Variants in SORCS1 observed in about 807,000 individuals in gnomAD.
The protein encoded by SORCS1 is sortilin related VPS10 domain containing receptor 1, also known as VPS10 domain-containing receptor SorCS1.
Under a neutral mutation model 146.1 loss-of-function variants are expected in SORCS1, and 60 were observed. The observed-to-expected ratio is 0.41, with a 90% CI of 0.33 to 0.51. SORCS1 has a LOEUF of 0.51. SORCS1 is among the 20% of genes least tolerant of loss of function. The pLI, the probability that SORCS1 is intolerant of heterozygous loss-of-function variation, is 0.21. For synonymous variants in SORCS1, 637 were observed against 584.0 expected, an observed-to-expected ratio of 1.09 and a Z score of -1.31; for missense variants, 1,352 against 1,487.6, an observed-to-expected ratio of 0.91 and a Z score of 1.50.
chr10:106,687,066 T>A (rs2135621135), intron 10 of SORCS1, among the ~76,000 whole-genome samples: 1 of 152,340 alleles, frequency 6.6e-6, no homozygotes, highest in African/African-American at 2.4e-5. Context: ...ACTTCTGAAG[T>A]GTTTTACAGA....
intron 2 of SORCS1, among the ~76,000 whole-genome samples, chr10:106,880,483 T>C (rs2137710268): frequency 1.3e-5 from 2 of 152,166 alleles, no homozygotes; most frequent in Middle Eastern, 6.8e-3. Flanking sequence ...ATTTATGAAG[T>C]GGGGAGAAGG....
intron 1 of SORCS1, among the ~76,000 whole-genome samples, chr10:106,978,494 GT>G (rs948492050): frequency 6.6e-6 from 1 of 152,154 alleles, no homozygotes; most frequent in Non-Finnish European, 1.5e-5. Context: ...AAGTATTAAA[GT>G]TTTTCTTAAA....
chr10:107,096,097 G>C (rs1229227434), intron 1 of SORCS1, among the ~76,000 whole-genome samples: 1 of 152,094 alleles, frequency 6.6e-6, no homozygotes, highest in African/African-American at 2.4e-5. Context: ...GCACTAAGTG[G>C]GCACGGTTAC....
chr10:106,636,411 T>C (rs1848724972), intron 18 of SORCS1, among the ~76,000 whole-genome samples: 1 of 152,200 alleles, frequency 6.6e-6, no homozygotes, highest in African/African-American at 2.4e-5. Context: ...AAACTTTGTA[T>C]CAGTCTGTTT....
At chr10:107,010,238 G>A (rs916120928) in intron 1 of SORCS1, among the ~76,000 whole-genome samples, 3 of 152,292 alleles carry the variant, frequency 2.0e-5, no homozygotes, top group African/African-American at 7.2e-5. Context: ...TCTAAAGGAT[G>A]GAGTAGGGGA....
intron 1 of SORCS1, among the ~76,000 whole-genome samples, chr10:107,057,401 G>A (rs1264944624): frequency 6.6e-6 from 1 of 152,144 alleles, no homozygotes; most frequent in African/African-American, 2.4e-5. Flanking sequence ...TTATATACCT[G>A]GCATTATAAA....
intron 2 of SORCS1, among the ~76,000 whole-genome samples, chr10:106,847,878 C>T (rs143154216): frequency 0.019 from 2,819 of 150,062 alleles, 57 homozygotes; most frequent in Middle Eastern, 0.031. Context: ...GTTCAGTTTC[C>T]ATGTAGTTGA....
At chr10:106,600,364 A>G in intron 23 of SORCS1, 2 of 977,466 alleles carry the variant, frequency 2.0e-6, no homozygotes, top group Non-Finnish European at 2.4e-6. Context: ...AACTTGCATC[A>G]AAGGACATTC....
At chr10:106,817,092 C>A (rs1708323999) in intron 3 of SORCS1, among the ~76,000 whole-genome samples, 1 of 152,228 alleles carries the variant, frequency 6.6e-6, no homozygotes, top group Non-Finnish European at 1.5e-5. Flanking sequence ...TGGACACACA[C>A]AAACACACCA....
Position 106,832,213 on chromosome 10 carries a change from G to A in SORCS1, c.627-2540C>T, listed in dbSNP as rs1459778483. ...TTTTTTTTTTTTCTTTTTTGAGACG[G>A]AGTCTCACTCTGTCACCCAGGCTGG... is the stretch of plus-strand genomic sequence containing the variant. On this transcript the variant is annotated intron_variant, in intron 2 of 25. Transcript: ENST00000263054. Among the ~76,000 whole-genome samples, 7 of 146,208 alleles carry A rather than the reference G, an allele frequency of 4.8e-5. No individual in the cohort carries two copies. The East Asian group carries it at 1.4e-3, about 29-fold the overall frequency.
At chr10:107,064,486 G>A (rs1961550894) in intron 1 of SORCS1, among the ~76,000 whole-genome samples, 1 of 152,160 alleles carries the variant, frequency 6.6e-6, no homozygotes, top group African/African-American at 2.4e-5. Context: ...GTGATAACCA[G>A]TAAAGTGACT....
chr10:106,597,484 G>T, intron 23 of SORCS1, 34 bp from the exon 24 acceptor site: 2 of 1,498,360 alleles, frequency 1.3e-6, no homozygotes, highest in Non-Finnish European at 1.9e-6. Context: ...GACACCAAAA[G>T]TGTCATACTG....
At chr10:106,702,028 T>C (rs1276818045) in intron 8 of SORCS1, among the ~76,000 whole-genome samples, 1 of 152,220 alleles carries the variant, frequency 6.6e-6, no homozygotes, top group African/African-American at 2.4e-5. Context: ...ATATACACGA[T>C]AAGAAAGTGG....
intron 3 of SORCS1, among the ~76,000 whole-genome samples, chr10:106,798,726 T>C (rs1368952601): frequency 1.3e-5 from 2 of 152,168 alleles, no homozygotes; most frequent in Non-Finnish European, 2.9e-5. Context: ...TTTGCTATTG[T>C]GAATAGTGCC....
At chr10:106,888,774 T>C (rs1378905134) in intron 2 of SORCS1, among the ~76,000 whole-genome samples, 1 of 152,252 alleles carries the variant, frequency 6.6e-6, no homozygotes, top group Non-Finnish European at 1.5e-5. Context: ...TCTTATATCC[T>C]CAGATTGTAA....
Position 106,822,781 on chromosome 10 carries a change from G to GTTT in SORCS1, c.726+6792_726+6793insAAA, listed in dbSNP as rs1564699805. Reference sequence around the variant, plus strand: ...CCACTATGTCTCTGAATTCATGTGTGGTTTTTTTTTTTTTTTTTTTTGAAT... The same window carrying GTTT: ...CCACTATGTCTCTGAATTCATGTGTGTTTGTTTTTTTTTTTTTTTTTTTTGAAT... On this transcript the variant is annotated intron_variant, in intron 3 of 25. Coordinates refer to ENST00000263054, the MANE Select transcript of SORCS1 (RefSeq NM_052918.5). Among the ~76,000 whole-genome samples, 26 of 118,084 alleles carry GTTT rather than the reference G, an allele frequency of 2.2e-4. No homozygotes were observed. The East Asian group carries it at 6.2e-3, about 28-fold the overall frequency. 77.5% of individuals were successfully genotyped at this position (118,084 alleles called of 152,430 possible). A position where few individuals can be genotyped will look rare whatever the true frequency, so the allele number is the denominator to read the frequency against.
intron 17 of SORCS1, among the ~76,000 whole-genome samples, chr10:106,660,839 T>C (rs1264554627): frequency 1.3e-5 from 2 of 151,866 alleles, no homozygotes; most frequent in South Asian, 2.1e-4. Context: ...CCATGAGGAA[T>C]TAATGGCCCC....
At chr10:106,598,395 G>A (rs1480660045) in intron 23 of SORCS1, among the ~76,000 whole-genome samples, 1 of 151,806 alleles carries the variant, frequency 6.6e-6, no homozygotes, top group African/African-American at 2.4e-5. Context: ...CTGAGTAGTT[G>A]GGACTACAGG....
chr10:106,662,753 G>A (rs1215481578), intron 17 of SORCS1, among the ~76,000 whole-genome samples: 2 of 152,180 alleles, frequency 1.3e-5, no homozygotes, highest in African/African-American at 4.8e-5. Context: ...TGCATGAAAT[G>A]ACCTTCCTCA....
Sources: allele counts gnomAD v4.1 joint callset (sites outside exome capture counted in the v4.1 genomes callset), GRCh38; gene constraint gnomAD v4.1.1; transcripts MANE v1.5; gene names NCBI Gene and HGNC (gene_info 2026-07-23, HGNC 2026-07-21).